The following GALNT7 variants were observed in gnomAD, a reference collection of about 807,000 sequenced individuals.
GALNT7 encodes polypeptide N-acetylgalactosaminyltransferase 7, also known as N-acetylgalactosaminyltransferase 7.
In GALNT7, 60 loss-of-function variants were observed where a neutral mutation model predicts 82.1. That is an observed-to-expected ratio of 0.73 (90% confidence interval 0.59 to 0.91). The LOEUF (loss-of-function observed/expected upper bound fraction) is 0.91, where lower values mean the gene tolerates loss of function less well. GALNT7 is among the 40% of genes least tolerant of loss of function. The probability of loss-of-function intolerance (pLI) is 0.00; values close to 1 mark genes in which losing one functional copy is unlikely to be tolerated. For missense variants in GALNT7, 660 were observed against 804.2 expected (o/e 0.82, Z 2.17); for synonymous variants, 243 against 275.1 (o/e 0.88, Z 1.15).
At chr4:173,187,237 C>G (rs764227210) in intron 1 of GALNT7, among the ~76,000 whole-genome samples, 18 of 151,928 alleles carry the variant, frequency 1.2e-4, no homozygotes, top group Non-Finnish European at 2.2e-4. Context: ...TAGACATAGT[C>G]CACAGTATAA....
At chr4:173,213,348 G>A (rs2126675029) in intron 1 of GALNT7, among the ~76,000 whole-genome samples, 1 of 152,068 alleles carries the variant, frequency 6.6e-6, no homozygotes, top group African/African-American at 2.4e-5. Flanking sequence ...ATAAACCTGA[G>A]AGTTTGTTAG....
At chr4:173,210,332 T>A (rs931639980) in intron 1 of GALNT7, among the ~76,000 whole-genome samples, 1 of 152,024 alleles carries the variant, frequency 6.6e-6, no homozygotes, top group Non-Finnish European at 1.5e-5. Flanking sequence ...CGTCGGAAAT[T>A]TACCGTCATT....
At chr4:173,269,293 GTTA>G (rs1351012976) in intron 2 of GALNT7, among the ~76,000 whole-genome samples, 2 of 152,194 alleles carry the variant, frequency 1.3e-5, no homozygotes, top group South Asian at 2.1e-4. Flanking sequence ...AAGTGGCCGA[GTTA>G]TTATTATATG....
intron 1 of GALNT7, among the ~76,000 whole-genome samples, chr4:173,171,107 C>T (rs1397760762): frequency 7.2e-5 from 11 of 152,082 alleles, no homozygotes; most frequent in African/African-American, 4.8e-5. Flanking sequence ...GCAAGAAAGA[C>T]CCTTTTATTG....
chr4:173,222,143 C>T (rs886834973), intron 1 of GALNT7, among the ~76,000 whole-genome samples: 2 of 152,160 alleles, frequency 1.3e-5, no homozygotes, highest in African/African-American at 2.4e-5. Flanking sequence ...GCTTGGCAGA[C>T]CCTCAGTAAA....
intron 1 of GALNT7, among the ~76,000 whole-genome samples, chr4:173,182,803 T>C (rs941851786): frequency 3.3e-5 from 4 of 121,102 alleles, no homozygotes; most frequent in Admixed American, 1.7e-4. Flanking sequence ...ATGAGGCTAG[T>C]AGGTTACTCA....
At chr4:173,226,960 A>T (rs11734195) in intron 1 of GALNT7, among the ~76,000 whole-genome samples, 15,531 of 152,294 alleles carry the variant, frequency 0.1, 1,029 homozygotes, top group Middle Eastern at 0.15. Flanking sequence ...GTTGAAACTC[A>T]GTACCCAGCA....
intron 1 of GALNT7, among the ~76,000 whole-genome samples, chr4:173,207,910 T>A (rs1733150517): frequency 6.6e-6 from 1 of 152,214 alleles, no homozygotes; most frequent in South Asian, 2.1e-4. Context: ...GAAAAACGAA[T>A]CTCATTTTTT....
intron 1 of GALNT7, among the ~76,000 whole-genome samples, chr4:173,242,071 C>T (rs2126728066): frequency 6.6e-6 from 1 of 152,250 alleles, no homozygotes; most frequent in Middle Eastern, 3.4e-3. Context: ...AGCCTGGTTA[C>T]CCTGCTTAAG....
intron 1 of GALNT7, among the ~76,000 whole-genome samples, chr4:173,181,826 C>G (rs1732259231): frequency 6.6e-6 from 1 of 152,166 alleles, no homozygotes; most frequent in Non-Finnish European, 1.5e-5. Flanking sequence ...TCCCAGTGTC[C>G]TATTTGAAAA....
At chr4:173,263,357 A>T (rs1735353584) in intron 2 of GALNT7, among the ~76,000 whole-genome samples, 1 of 152,218 alleles carries the variant, frequency 6.6e-6, no homozygotes, top group East Asian at 1.9e-4. Flanking sequence ...GTAATTTCAG[A>T]GATTCTGTGC....
At chr4:173,218,903 G>A (rs1579922050) in intron 1 of GALNT7, among the ~76,000 whole-genome samples, 1 of 152,096 alleles carries the variant, frequency 6.6e-6, no homozygotes, top group Non-Finnish European at 1.5e-5. Context: ...AAAGATAAAT[G>A]AGTCATGGTC....
chr4:173,306,665 T>G (rs1737166568), intron 8 of GALNT7, among the ~76,000 whole-genome samples: 1 of 152,234 alleles, frequency 6.6e-6, no homozygotes. Flanking sequence ...TACTGATTTG[T>G]GTATGTTGAA....
chr4:173,190,185 G>A (rs922063276), intron 1 of GALNT7, among the ~76,000 whole-genome samples: 4 of 151,940 alleles, frequency 2.6e-5, no homozygotes, highest in Non-Finnish European at 5.9e-5. Flanking sequence ...TTGTTACTCT[G>A]TCATTCCTGG....
At chr4:173,214,629 A>G (rs184667585) in intron 1 of GALNT7, among the ~76,000 whole-genome samples, 3 of 152,304 alleles carry the variant, frequency 2.0e-5, no homozygotes, top group East Asian at 3.9e-4. Context: ...TGGTGCATGT[A>G]TATATAAGTT....
In GALNT7 at chr4:173,304,020, T is replaced by C; in HGVS notation, c.1291T>C (p.Leu431=). ...GATATGGCAGTGTGGTGGCAAATTA[T>C]TATTTGTTCCTTGTTCTCGTGTTGG... ...YKIWQCGGKL[L]FVPCSRVGHI... The change falls in exon 8 of 12, where the codon TTA becomes CTA. Residue 431 remains leucine, a synonymous_variant. Coordinates refer to ENST00000265000, the MANE Select transcript of GALNT7 (RefSeq NM_017423.3). 6.2e-7 allele frequency: 1 copy of C among 1,611,988 alleles called. No individual in the cohort carries two copies.
At chr4:173,228,496 CT>C (rs1481581617) in intron 1 of GALNT7, among the ~76,000 whole-genome samples, 2 of 151,764 alleles carry the variant, frequency 1.3e-5, no homozygotes, top group Non-Finnish European at 2.9e-5. Flanking sequence ...TCTAACTGTT[CT>C]CATTAAGGGC....
chr4:173,168,998 C>T, intron 1 of GALNT7, 37 bp downstream of exon 1: 3 of 1,604,468 alleles, frequency 1.9e-6, no homozygotes, highest in Non-Finnish European at 2.6e-6. Flanking sequence ...GCGGCAGCGA[C>T]CGGCAACTTG....
At chr4:173,202,941 C>G (rs760157883) in intron 1 of GALNT7, among the ~76,000 whole-genome samples, 1 of 151,862 alleles carries the variant, frequency 6.6e-6, no homozygotes, top group Non-Finnish European at 1.5e-5. Context: ...TTTTACAGTA[C>G]TTAAAGTATA....
Sources: allele counts gnomAD v4.1 joint callset (sites outside exome capture counted in the v4.1 genomes callset), GRCh38; gene constraint gnomAD v4.1.1; transcripts MANE v1.5; gene names NCBI Gene and HGNC (gene_info 2026-07-23, HGNC 2026-07-21).